Variants in ALG9 observed in about 807,000 individuals in gnomAD.
The protein encoded by ALG9 is alpha-1,2-mannosyltransferase ALG9.
ALG9 carries 55 observed loss-of-function variants against 81.8 expected under a neutral mutation model. The observed-to-expected ratio is 0.67, with a 90% CI of 0.54 to 0.84. The LOEUF is 0.84. Ranked by LOEUF, ALG9 falls within the 40% of genes least tolerant of loss-of-function variation. The pLI is 0.00. For missense variants in ALG9, 629 were observed against 745.0 expected, an observed-to-expected ratio of 0.84 and a Z score of 1.81; for synonymous variants, 278 against 274.3, an observed-to-expected ratio of 1.01 and a Z score of -0.13.
At chr11:111,857,490 G>C in intron 6 of ALG9, 112 bp downstream of exon 6, 1 of 1,415,446 alleles carries the variant, frequency 7.1e-7, no homozygotes, top group Non-Finnish European at 9.9e-7. Context: ...CAGAATCTTT[G>C]AAAGCCCAAT....
At chr11:111,822,203 T>C (rs1168191649) in intron 13 of ALG9, among the ~76,000 whole-genome samples, 1 of 145,442 alleles carries the variant, frequency 6.9e-6, no homozygotes. Context: ...GCCCATGAGT[T>C]TGAGTCCAGC....
chr11:111,850,687 A>T (rs1399147722), intron 8 of ALG9, among the ~76,000 whole-genome samples: 1 of 137,050 alleles, frequency 7.3e-6, no homozygotes, highest in Non-Finnish European at 1.5e-5. Flanking sequence ...AGCCCGGGTG[A>T]CAGAGCGAGA....
At chr11:111,859,428 G>C (rs1010008403) in intron 5 of ALG9, among the ~76,000 whole-genome samples, 2 of 151,964 alleles carry the variant, frequency 1.3e-5, no homozygotes, top group Admixed American at 1.3e-4. Context: ...CTTGAACCTT[G>C]GGAGGAGGGG....
intron 12 of ALG9, 74 bp downstream of exon 12, chr11:111,837,394 A>G: frequency 1.3e-6 from 2 of 1,569,556 alleles, no homozygotes; most frequent in Non-Finnish European, 1.7e-6. Flanking sequence ...GAAAACAAAA[A>G]TTAGAAGACA....
chr11:111,850,684 G>A (rs536622401), intron 8 of ALG9, among the ~76,000 whole-genome samples: 45 of 93,784 alleles, frequency 4.8e-4, no homozygotes, highest in African/African-American at 1.9e-3. Flanking sequence ...TCCAGCCCGG[G>A]TGACAGAGCG....
At chr11:111,777,954 G>C (rs1285302284), downstream of ALG9, among the ~76,000 whole-genome samples, 1 of 152,220 alleles carries the variant, frequency 6.6e-6, no homozygotes, top group Non-Finnish European at 1.5e-5. Flanking sequence ...TCTGAGGGCA[G>C]TGGCAGCAGC....
intron 13 of ALG9, among the ~76,000 whole-genome samples, chr11:111,835,429 C>A (rs1234013276): frequency 6.6e-6 from 1 of 152,204 alleles, no homozygotes; most frequent in Non-Finnish European, 1.5e-5. Context: ...AAGATCATGG[C>A]CCTGACAGAG....
intron 13 of ALG9, among the ~76,000 whole-genome samples, chr11:111,833,474 C>A (rs1555114729): frequency 6.6e-6 from 1 of 152,198 alleles, no homozygotes; most frequent in Non-Finnish European, 1.5e-5. Flanking sequence ...CACTTATTCA[C>A]TCCTAATTCT....
intron 14 of ALG9, among the ~76,000 whole-genome samples, chr11:111,787,688 GA>G (rs1946683952): frequency 1.3e-5 from 2 of 151,908 alleles, no homozygotes; most frequent in Admixed American, 6.5e-5. Context: ...TTGATCTCCT[GA>G]CCTCGTGATC....
At chr11:111,799,325 T>C (rs756298053) in intron 14 of ALG9, among the ~76,000 whole-genome samples, 43 of 152,156 alleles carry the variant, frequency 2.8e-4, no homozygotes, top group Admixed American at 2.1e-3. Context: ...TTTTGTATTT[T>C]TAGTAGAGAT....
chr11:111,801,735 A>G (rs557372097), intron 14 of ALG9, among the ~76,000 whole-genome samples: 1 of 152,256 alleles, frequency 6.6e-6, no homozygotes, highest in African/African-American at 2.4e-5. Context: ...TTCCTTCTCA[A>G]CAGGTGGTTG....
chr11:111,840,408 T>A (rs1011002990), intron 10 of ALG9, among the ~76,000 whole-genome samples: 16 of 152,182 alleles, frequency 1.1e-4, no homozygotes, highest in African/African-American at 3.9e-4. Context: ...TGCAATTGGA[T>A]TCCTGTTGGT....
intron 1 of ALG9, chr11:111,870,738 T>C (rs546981486): frequency 2.9e-6 from 3 of 1,021,220 alleles, no homozygotes; most frequent in Non-Finnish European, 3.5e-6. Context: ...AATGCATTTA[T>C]GTCACTCCAT....
At chr11:111,832,756 C>T (rs1954607112) in intron 13 of ALG9, among the ~76,000 whole-genome samples, 1 of 152,096 alleles carries the variant, frequency 6.6e-6, no homozygotes, top group African/African-American at 2.4e-5. Flanking sequence ...TCAAAGATAA[C>T]AGATGGAGGA....
intron 14 of ALG9, among the ~76,000 whole-genome samples, chr11:111,798,823 T>A (rs1355366139): frequency 2.0e-5 from 3 of 152,314 alleles, no homozygotes; most frequent in Middle Eastern, 6.8e-3. Flanking sequence ...TAAGATCTTA[T>A]GCCTGGATCT....
At chr11:111,827,294 T>C (rs1953493682) in intron 13 of ALG9, among the ~76,000 whole-genome samples, 1 of 152,062 alleles carries the variant, frequency 6.6e-6, no homozygotes, top group East Asian at 1.9e-4. Context: ...ATGACCAACA[T>C]GGAGAAATCC....
chr11:111,809,950 GA>G (rs1490954110), intron 13 of ALG9, among the ~76,000 whole-genome samples, 177 bp from the exon 14 acceptor site: 1 of 152,028 alleles, frequency 6.6e-6, no homozygotes, highest in African/African-American at 2.4e-5. Flanking sequence ...TCTTGTGGGG[GA>G]GAGGCACACT....
chr11:111,801,791 T>C (rs1233227985), intron 14 of ALG9, among the ~76,000 whole-genome samples: 7 of 152,244 alleles, frequency 4.6e-5, no homozygotes, highest in Non-Finnish European at 1.0e-4. Flanking sequence ...GAAAATTCTC[T>C]GAAGGCATTC....
chr11:111,780,394 G>GTTTT (rs149395873), downstream of ALG9, among the ~76,000 whole-genome samples: 2 of 143,598 alleles, frequency 1.4e-5, no homozygotes, highest in Non-Finnish European at 3.0e-5. Context: ...TTTTTTTTTT[G>GTTTT]TTTTGTTTTT....
Sources: allele counts gnomAD v4.1 joint callset (sites outside exome capture counted in the v4.1 genomes callset), GRCh38; gene constraint gnomAD v4.1.1; transcripts MANE v1.5; gene names NCBI Gene and HGNC (gene_info 2026-07-23, HGNC 2026-07-21).